The following PTPRA variants were observed in gnomAD, a reference collection of about 807,000 sequenced individuals.
PTPRA encodes protein tyrosine phosphatase receptor type A.
A neutral mutation model predicts 104.8 loss-of-function variants in PTPRA; 25 were observed. The observed-to-expected ratio is 0.24, with a 90% CI of 0.17 to 0.33. PTPRA has a LOEUF of 0.33. Among genes scored for constraint, PTPRA ranks in the 10% least tolerant of loss-of-function variants. PTPRA has a pLI of 1.00. For synonymous variants in PTPRA, 323 were observed against 368.9 expected, an observed-to-expected ratio of 0.88 and a Z score of 1.43; for missense variants, 765 against 1,015.3, an observed-to-expected ratio of 0.75 and a Z score of 3.35.
intron 8 of PTPRA, 45 bp downstream of exon 8, chr20:2,988,150 A>G (rs2062987455): frequency 8.5e-6 from 13 of 1,535,150 alleles, no homozygotes; most frequent in South Asian, 5.6e-5. Flanking sequence ...CAAGGAAGGA[A>G]ATCAAGAAAT....
the PTPRA span, among the ~76,000 whole-genome samples, chr20:2,867,544 C>G: frequency 6.8e-6 from 1 of 147,876 alleles, no homozygotes; most frequent in African/African-American, 2.6e-5. Context: ...CAGTGCACCC[C>G]CTCTGCTCTC....
At chr20:2,936,190 A>G (rs933543608) in intron 2 of PTPRA, among the ~76,000 whole-genome samples, 2 of 151,744 alleles carry the variant, frequency 1.3e-5, no homozygotes, top group Non-Finnish European at 2.9e-5. Context: ...ACCTCCATAC[A>G]TGTTTTCCAT....
chr20:2,868,817 A>G (rs547805788), upstream of PTPRA, among the ~76,000 whole-genome samples: 1 of 152,072 alleles, frequency 6.6e-6, no homozygotes, highest in East Asian at 1.9e-4. Context: ...AATGTACACA[A>G]TACAAAACCC....
intron 1 of PTPRA, among the ~76,000 whole-genome samples, chr20:2,888,035 G>A (rs1251109590): frequency 6.6e-6 from 1 of 152,206 alleles, no homozygotes; most frequent in African/African-American, 2.4e-5. Context: ...AGTTTGGGGT[G>A]TTAGCTAGAA....
At chr20:3,020,346 C>T (rs1277062310) in intron 13 of PTPRA, among the ~76,000 whole-genome samples, 1 of 152,198 alleles carries the variant, frequency 6.6e-6, no homozygotes, top group East Asian at 1.9e-4. Context: ...GATCCACCCA[C>T]CTCGGCCTCC....
intron 3 of PTPRA, among the ~76,000 whole-genome samples, chr20:2,957,743 A>G (rs142050261): frequency 3.1e-4 from 47 of 152,256 alleles, no homozygotes; most frequent in African/African-American, 1.0e-3. Flanking sequence ...GTCTAGTCCA[A>G]TGGCTTTTAT....
At chr20:2,993,102 GATT>G (rs1288026295) in intron 9 of PTPRA, among the ~76,000 whole-genome samples, 1 of 133,642 alleles carries the variant, frequency 7.5e-6, no homozygotes, top group African/African-American at 3.8e-5. Context: ...TAGGTAGGTA[GATT>G]GATTGATTGA....
At chr20:3,021,227 G>T in intron 13 of PTPRA, 82 bp from the exon 14 acceptor site, 1 of 1,584,228 alleles carries the variant, frequency 6.3e-7, no homozygotes, top group Non-Finnish European at 8.6e-7. Flanking sequence ...TCTGGGCTTT[G>T]TGGGCTCTTC....
At chr20:3,029,450 A>G (rs1290216009) in intron 20 of PTPRA, among the ~76,000 whole-genome samples, 2 of 150,010 alleles carry the variant, frequency 1.3e-5, no homozygotes, top group Non-Finnish European at 3.0e-5. Flanking sequence ...ATTTTTTTCA[A>G]TTTTGATCAG....
chr20:2,981,039 T>C (rs1270217294), intron 6 of PTPRA, among the ~76,000 whole-genome samples: 2 of 152,064 alleles, frequency 1.3e-5, no homozygotes, highest in Non-Finnish European at 2.9e-5. Flanking sequence ...TGGGCACTAC[T>C]ATGGTTTTTT....
At chr20:2,962,760 C>A (rs73581771) in intron 3 of PTPRA, among the ~76,000 whole-genome samples, 11,235 of 152,216 alleles carry the variant, frequency 0.074, 962 homozygotes, top group African/African-American at 0.2. Context: ...TCAAAATCTT[C>A]TGTGGATGCA....
chr20:2,887,014 T>C (rs1348360330), intron 1 of PTPRA, among the ~76,000 whole-genome samples: 1 of 152,218 alleles, frequency 6.6e-6, no homozygotes, highest in Non-Finnish European at 1.5e-5. Context: ...TATCACAGTT[T>C]AGTAAACACA....
the PTPRA span, among the ~76,000 whole-genome samples, chr20:2,868,310 C>CTTTTTTTTTTTTTTTTT: frequency 6.7e-5 from 7 of 104,166 alleles, no homozygotes; most frequent in African/African-American, 2.5e-4. Context: ...GACTCCACCT[C>CTTTTTTTTTTTTTTTTT]TTTTTTTTTT....
chr20:2,906,633 G>A (rs535213222), intron 1 of PTPRA, among the ~76,000 whole-genome samples: 6 of 152,174 alleles, frequency 3.9e-5, no homozygotes, highest in Non-Finnish European at 7.4e-5. Context: ...TTCTTAATTG[G>A]AGTTCAGAGT....
upstream of PTPRA, among the ~76,000 whole-genome samples, chr20:2,870,668 GC>G (rs1395126121): frequency 1.3e-5 from 2 of 152,182 alleles, no homozygotes; most frequent in Non-Finnish European, 2.9e-5. Flanking sequence ...GGGAAAGGAG[GC>G]CCCGAGAGGG....
rs1375821682 is a variant in PTPRA at position 2,873,764 on chromosome 20, AGT to A, written c.-129+7_-129+8del. ...GTCCCGCCCAACGCCCGACTCTGTG[AGT>A]GTTCGCGGCCGCTGCGCCCGGGTGG... On this transcript the variant is annotated splice_donor_5th_base_variant and intron_variant, in intron 1 of 23. Transcript: ENST00000399903. The surrounding 1 kb of genome is among the most constrained non-coding windows in gnomAD (Gnocchi z 4.4). The A allele has an allele frequency of 1.8e-4, 27 of 151,798 alleles. No homozygotes were observed. The East Asian group carries it at 4.7e-3, about 26-fold the overall frequency. The allele number at this position is 151,798 out of a possible 1,614,324, so 9.4% of individuals were successfully genotyped here. A position where few individuals can be genotyped will look rare whatever the true frequency, so the allele number is the denominator to read the frequency against.
At chr20:2,984,261 C>T (rs1188491996) in intron 6 of PTPRA, among the ~76,000 whole-genome samples, 3 of 152,174 alleles carry the variant, frequency 2.0e-5, no homozygotes, top group Non-Finnish European at 4.4e-5. Context: ...ATCTGTCATT[C>T]CTTTCCTCTG....
intron 9 of PTPRA, among the ~76,000 whole-genome samples, chr20:2,990,570 C>A (rs947617362): frequency 1.3e-5 from 2 of 151,982 alleles, no homozygotes; most frequent in Non-Finnish European, 2.9e-5. Flanking sequence ...ACAACAACAA[C>A]AAAATACAAA....
In PTPRA at chr20:3,008,731, AAAAAAAAAAAAAAC is replaced by A. The variant is rs1302099602; in HGVS notation, c.906+1325_906+1338del. On this transcript the variant is annotated intron_variant, in intron 11 of 23. Transcript: ENST00000399903. ...GATGGTGAAACCTCATCTCTACTAA[AAAAAAAAAAAAAAC>A]AAAAAAAAAAAAAACAACTTAGCCG... Among the ~76,000 whole-genome samples the A allele has an allele frequency of 6.8e-5, 8 of 118,412 alleles. No homozygotes were observed. In the East Asian group the frequency reaches 2.0e-3, roughly 30 times the overall value. The allele number at this position is 118,412 out of a possible 152,430, so 77.7% of individuals were successfully genotyped here.
Sources: allele counts gnomAD v4.1 joint callset (sites outside exome capture counted in the v4.1 genomes callset), GRCh38; gene constraint gnomAD v4.1.1; non-coding constraint Gnocchi (gnomAD v3.1); transcripts MANE v1.5; gene names NCBI Gene and HGNC (gene_info 2026-07-23, HGNC 2026-07-21).